The following SASH1 variants were observed in gnomAD, a reference collection of about 807,000 sequenced individuals.
The protein encoded by SASH1 is SAM and SH3 domain containing 1, also known as SAM and SH3 domain-containing protein 1.
A neutral mutation model predicts 125.2 loss-of-function variants in SASH1; 44 were observed. The observed-to-expected ratio is 0.35, with a 90% CI of 0.28 to 0.45. The LOEUF (loss-of-function observed/expected upper bound fraction) is 0.45. Ranked by LOEUF, SASH1 falls within the 20% of genes least tolerant of loss-of-function variation. The pLI, the probability that SASH1 is intolerant of heterozygous loss-of-function variation, is 1.00. For synonymous variants in SASH1, 639 were observed against 649.1 expected (o/e 0.98, Z 0.24); for missense variants, 1,426 against 1,614.5 (o/e 0.88, Z 2.00).
chr6:148,531,265 AT>A (rs139957587), intron 12 of SASH1, among the ~76,000 whole-genome samples: 13 of 150,548 alleles, frequency 8.6e-5, no homozygotes, highest in South Asian at 2.1e-4. Flanking sequence ...TGGTAGACAG[AT>A]TTTTTTTTTC....
At chr6:148,441,169 G>C (rs548811368) in intron 4 of SASH1, among the ~76,000 whole-genome samples, 4 of 152,330 alleles carry the variant, frequency 2.6e-5, no homozygotes, top group African/African-American at 7.2e-5. Flanking sequence ...CTTTGGCACG[G>C]AGCCACTTGT....
intron 8 of SASH1, among the ~76,000 whole-genome samples, chr6:148,506,677 A>AC (rs34895717): frequency 6.6e-6 from 1 of 152,092 alleles, no homozygotes; most frequent in African/African-American, 2.4e-5. Flanking sequence ...GGTTTTTCTA[A>AC]CCCCTGAGAC....
intron 12 of SASH1, among the ~76,000 whole-genome samples, chr6:148,528,590 G>A (rs1208027014): frequency 2.0e-5 from 3 of 152,124 alleles, no homozygotes; most frequent in East Asian, 1.9e-4. Flanking sequence ...TGGTTCTCAC[G>A]GGGAAGGGGT....
chr6:148,424,901 C>A (rs1167700963), intron 2 of SASH1, among the ~76,000 whole-genome samples: 4 of 152,188 alleles, frequency 2.6e-5, no homozygotes, highest in African/African-American at 9.6e-5. Flanking sequence ...AGATGAAACT[C>A]TTGGGTAGGA....
chr6:148,544,892 C>A lies in SASH1; in HGVS notation c.3348+74C>A. ...AGTCAGGCAGCCAGGTGAGATGAACCCACATCTGAAGCCAGCCCGGTAGCC... is the reference window on the plus strand; with the variant it reads ...AGTCAGGCAGCCAGGTGAGATGAACACACATCTGAAGCCAGCCCGGTAGCC... On this transcript the variant is annotated intron_variant, in intron 18 of 19. Transcript: ENST00000367467. The surrounding 1 kb of genome is among the most constrained non-coding windows in gnomAD (Gnocchi z 6.4). 1 of 1,439,588 alleles carries A rather than the reference C, an allele frequency of 6.9e-7. No individual in the cohort carries two copies. Among genetic ancestry groups the A allele is most frequent in the Non-Finnish European group, 9.2e-7 (1 of 1,081,624 alleles). The allele number at this position is 1,439,588 out of a possible 1,614,324, so 89.2% of individuals were successfully genotyped here.
chr6:148,513,140 A>G, intron 8 of SASH1: 1 of 985,394 alleles, frequency 1.0e-6, no homozygotes, highest in Non-Finnish European at 1.2e-6. Context: ...TATTGTCTGT[A>G]ACACTGGGAT....
the SASH1 span, among the ~76,000 whole-genome samples, chr6:148,228,828 CAG>C: frequency 2.0e-5 from 3 of 152,004 alleles, no homozygotes; most frequent in Non-Finnish European, 2.9e-5. Context: ...CACTTAATGA[CAG>C]AGAAAAAAAT....
At chr6:148,526,034 G>GTGAA (rs1354433059) in intron 11 of SASH1, among the ~76,000 whole-genome samples, 1 of 147,250 alleles carries the variant, frequency 6.8e-6, no homozygotes, top group Non-Finnish European at 1.5e-5. Flanking sequence ...GACCCCAAGG[G>GTGAA]TGAAGGTGAG....
At chr6:148,305,702 A>T (rs1780111427) in intron 1 of SASH1, among the ~76,000 whole-genome samples, 1 of 152,180 alleles carries the variant, frequency 6.6e-6, no homozygotes, top group South Asian at 2.1e-4. Flanking sequence ...GCATTTAAAC[A>T]ACTGGCAGAC....
At chr6:148,307,279 T>C (rs1177228544) in intron 1 of SASH1, among the ~76,000 whole-genome samples, 1 of 151,740 alleles carries the variant, frequency 6.6e-6, no homozygotes, top group African/African-American at 2.4e-5. Context: ...CCACCATGCC[T>C]GGCTAATTTT....
At position 148,415,291 on chromosome 6, in the gene SASH1, T is replaced by C. The variant is rs532387868; in HGVS notation, c.286-24893T>C. Among the ~76,000 whole-genome samples the C allele has an allele frequency of 6.8e-4, 104 of 152,336 alleles. 1 individual carries two copies. The South Asian group carries it at 7.9e-3, about 12-fold the overall frequency. ...GATTACTCTAAAGGGGCCTGGGCACTGATTTTAATGTATTTGTGCCGCTTC... is the reference window on the plus strand; with the variant it reads ...GATTACTCTAAAGGGGCCTGGGCACCGATTTTAATGTATTTGTGCCGCTTC... On this transcript the variant is annotated intron_variant, in intron 2 of 19. Transcript: ENST00000367467.
rs145397296 is a variant in SASH1 at position 148,436,680 on chromosome 6, C to G, written c.286-3504C>G. On this transcript the variant is annotated intron_variant, in intron 2 of 19. Coordinates refer to ENST00000367467, the MANE Select transcript of SASH1 (RefSeq NM_015278.5). ...CCAGACATTTGAGTGAGCAAGCTTT[C>G]CAGTGATTACAGCCCACCCATCAAG... Among the ~76,000 whole-genome samples, 26 of 152,302 alleles carry G rather than the reference C, an allele frequency of 1.7e-4. No homozygotes were observed. In the East Asian group the frequency reaches 4.8e-3, roughly 28 times the overall value.
chr6:148,508,583 A>G (rs1779936858), intron 8 of SASH1: 2 of 1,132,938 alleles, frequency 1.8e-6, no homozygotes, highest in Non-Finnish European at 2.2e-6. Flanking sequence ...CTGATGACTT[A>G]TGCCTTTCTT....
At chr6:148,409,731 C>T (rs868563911) in intron 2 of SASH1, among the ~76,000 whole-genome samples, 1 of 152,078 alleles carries the variant, frequency 6.6e-6, no homozygotes, top group Non-Finnish European at 1.5e-5. Flanking sequence ...GTCAGGAGTT[C>T]GAGACCAGTC....
chr6:148,421,033 G>A (rs772576941), intron 2 of SASH1, among the ~76,000 whole-genome samples: 3 of 151,620 alleles, frequency 2.0e-5, no homozygotes, highest in Admixed American at 1.3e-4. Context: ...GTGATGAGCC[G>A]AGATTCCGCC....
At chr6:148,491,348 C>T (rs920654519) in intron 8 of SASH1, among the ~76,000 whole-genome samples, 25 of 152,194 alleles carry the variant, frequency 1.6e-4, no homozygotes, top group African/African-American at 6.0e-4. Flanking sequence ...CGGCTCACTG[C>T]AACTTCTGCC....
chr6:148,501,379 C>T (rs1255718493), intron 8 of SASH1, among the ~76,000 whole-genome samples: 5 of 152,150 alleles, frequency 3.3e-5, no homozygotes, highest in African/African-American at 1.2e-4. Flanking sequence ...CAGAAACTAG[C>T]GCCTTAAATG....
intron 7 of SASH1, among the ~76,000 whole-genome samples, chr6:148,476,536 G>A (rs867295257): frequency 1.6e-4 from 24 of 152,196 alleles, no homozygotes; most frequent in African/African-American, 5.5e-4. Context: ...ACAAAAATTA[G>A]CCAGGCGTGG....
At chr6:148,459,236 T>C (rs1465678347) in intron 4 of SASH1, among the ~76,000 whole-genome samples, 1 of 152,062 alleles carries the variant, frequency 6.6e-6, no homozygotes, top group Admixed American at 6.5e-5. Context: ...ATGGCCCAGA[T>C]GGAAAAGAGA....
Sources: gnomAD v4.1 joint callset for allele counts (sites outside exome capture counted in the v4.1 genomes callset) on GRCh38, gnomAD v4.1.1 for gene constraint, Gnocchi (gnomAD v3.1) non-coding constraint, MANE v1.5 for transcripts, NCBI Gene and HGNC (gene_info 2026-07-23, HGNC 2026-07-21) for gene names.